Variants in UBOX5 observed in about 807,000 individuals in gnomAD.
UBOX5 encodes the protein RING finger protein 37.
Under a neutral mutation model 39.0 loss-of-function variants are expected in UBOX5, and 28 were observed. The observed-to-expected ratio is 0.72, with a 90% confidence interval of 0.53 to 0.98. UBOX5 has a LOEUF of 0.98. Ranked by LOEUF, UBOX5 falls within the 50% of genes least tolerant of loss-of-function variation. The pLI, the probability that UBOX5 is intolerant of heterozygous loss-of-function variation, is 0.00. For missense variants in UBOX5, 585 were observed against 674.4 expected, an observed-to-expected ratio of 0.87 and a Z score of 1.47; for synonymous variants, 283 against 275.5, an observed-to-expected ratio of 1.03 and a Z score of -0.27.
At chr20:3,133,069 A>C (rs1202677305) in intron 1 of UBOX5, among the ~76,000 whole-genome samples, 1 of 152,198 alleles carries the variant, frequency 6.6e-6, no homozygotes, top group Non-Finnish European at 1.5e-5. Flanking sequence ...GAAACGAATG[A>C]GTGTGTTGTC....
In UBOX5 at chr20:3,147,813, G is replaced by A. The variant is rs755941835; in HGVS notation, c.-42+11953C>T. ...TTACTTCGACAGTGTGCCACTCTAG[G>A]AGGCAAAGACGCAGCCACTGCATTC... On this transcript the variant is annotated intron_variant, in intron 1 of 4. Coordinates refer to ENST00000217173, the MANE Select transcript of UBOX5 (RefSeq NM_014948.4). 5.0e-6 allele frequency: 8 copies of A among 1,614,168 alleles called. No individual in the cohort carries two copies. Among genetic ancestry groups the A allele is most frequent in the East Asian group, 2.2e-5 (1 of 44,886 alleles).
In UBOX5 at chr20:3,149,488, T is replaced by TG. The variant is rs1268372669; in HGVS notation, c.-42+10277dup. Among the ~76,000 whole-genome samples the TG allele has an allele frequency of 6.6e-6, 1 of 152,164 alleles. No individual in the cohort carries two copies. The highest frequency in any genetic ancestry group is 1.5e-5 in the Non-Finnish European group (1 of 68,016). ...TACCCGTGGGCAGTTCCTGGACTGC[T>TG]GCTCACCAGACTTCCTTCACTGTAC... is the stretch of plus-strand genomic sequence containing the variant. On this transcript the variant is annotated intron_variant, in intron 1 of 4. Coordinates refer to ENST00000217173, the MANE Select transcript of UBOX5 (RefSeq NM_014948.4). The surrounding 1 kb of genome is among the most constrained non-coding windows in gnomAD (Gnocchi z 4.1).
At chr20:3,145,931 A>G (rs1050274316) in intron 1 of UBOX5, among the ~76,000 whole-genome samples, 3 of 151,994 alleles carry the variant, frequency 2.0e-5, no homozygotes, top group Non-Finnish European at 4.4e-5. Context: ...CTGTAACCCC[A>G]GCTACTCAGG....
chr20:3,113,651 A>G (rs1024367121), intron 4 of UBOX5, among the ~76,000 whole-genome samples: 1 of 152,108 alleles, frequency 6.6e-6, no homozygotes, highest in Admixed American at 6.6e-5. Context: ...GGGAGGATGG[A>G]CAGGACCTGA....
intron 1 of UBOX5, among the ~76,000 whole-genome samples, chr20:3,143,097 C>CTTTTTT (rs35450698): frequency 5.5e-5 from 4 of 72,474 alleles, no homozygotes; most frequent in Non-Finnish European, 9.9e-5. Context: ...AATCATCTGT[C>CTTTTTT]TTTTTTTTTT....
At chr20:3,126,855 G>A (rs563232098) in intron 1 of UBOX5, among the ~76,000 whole-genome samples, 73 of 151,936 alleles carry the variant, frequency 4.8e-4, no homozygotes, top group African/African-American at 1.7e-3. Context: ...GGCCAACATG[G>A]TGAAACTCCA....
At chr20:3,135,674 A>G (rs2066464658) in intron 1 of UBOX5, among the ~76,000 whole-genome samples, 1 of 152,214 alleles carries the variant, frequency 6.6e-6, no homozygotes, top group South Asian at 2.1e-4. Flanking sequence ...AAGGGTGAGC[A>G]CTGTTTTGTG....
chr20:3,147,271 T>C (rs1250981186), intron 1 of UBOX5: 1 of 1,614,258 alleles, frequency 6.2e-7, no homozygotes, highest in South Asian at 1.1e-5. Context: ...TAAATGGTAA[T>C]GGCTTCAGGT....
intron 1 of UBOX5, among the ~76,000 whole-genome samples, chr20:3,126,375 G>C (rs187880318): frequency 0.012 from 1,808 of 152,128 alleles, 16 homozygotes; most frequent in South Asian, 0.042. Flanking sequence ...CACTGCGGAA[G>C]GCCGCAGGGA....
At chr20:3,116,050 TG>T (rs1465358711) in intron 3 of UBOX5, among the ~76,000 whole-genome samples, 1 of 152,168 alleles carries the variant, frequency 6.6e-6, no homozygotes, top group Non-Finnish European at 1.5e-5. Context: ...CCACAGCGCC[TG>T]GCCTCCTTTC....
At chr20:3,141,581 G>A (rs900112116) in intron 1 of UBOX5, among the ~76,000 whole-genome samples, 20 of 152,158 alleles carry the variant, frequency 1.3e-4, no homozygotes, top group Non-Finnish European at 1.3e-4. Context: ...GGGAGGCGGA[G>A]GTTGTGGTTA....
intron 1 of UBOX5, among the ~76,000 whole-genome samples, chr20:3,138,955 G>C (rs940556642): frequency 2.0e-5 from 3 of 152,002 alleles, no homozygotes; most frequent in Non-Finnish European, 2.9e-5. Context: ...ATATTTTAAA[G>C]ACTAGACTCA....
At chr20:3,111,808 C>T (rs2066255953) in intron 4 of UBOX5, 1 of 152,270 alleles carries the variant, frequency 6.6e-6, no homozygotes, top group African/African-American at 2.4e-5. Flanking sequence ...AGGACTATGT[C>T]CATGTTTCTC....
At chr20:3,152,828 TCCAGGA>T (rs2066645348) in intron 1 of UBOX5, among the ~76,000 whole-genome samples, 2 of 148,668 alleles carry the variant, frequency 1.3e-5, no homozygotes, top group South Asian at 4.3e-4. Context: ...ATTGCTTGAA[TCCAGGA>T]GGCAGAGGTT....
intron 3 of UBOX5, among the ~76,000 whole-genome samples, chr20:3,119,601 C>A (rs185503776): frequency 6.6e-6 from 1 of 152,238 alleles, no homozygotes; most frequent in Non-Finnish European, 1.5e-5. Flanking sequence ...TACCTGTAAT[C>A]CTAGCACTCT....
chr20:3,157,553 T>G (rs1465010059), intron 1 of UBOX5, among the ~76,000 whole-genome samples: 1 of 152,218 alleles, frequency 6.6e-6, no homozygotes, highest in Non-Finnish European at 1.5e-5. Context: ...GTAGATATAG[T>G]ATGACTAAGC....
At chr20:3,146,923 T>C (rs536676891) in intron 1 of UBOX5, 2 of 1,614,132 alleles carry the variant, frequency 1.2e-6, no homozygotes, top group Non-Finnish European at 1.7e-6. Flanking sequence ...TATTGTGCAG[T>C]CCAAGGAGAT....
chr20:3,126,611 G>A (rs1036438336), intron 1 of UBOX5, among the ~76,000 whole-genome samples: 3 of 147,110 alleles, frequency 2.0e-5, no homozygotes, highest in Non-Finnish European at 4.5e-5. Flanking sequence ...CAGAGAAAGA[G>A]AGGGAGGGAG....
At chr20:3,129,302 A>G (rs1380125018) in intron 1 of UBOX5, among the ~76,000 whole-genome samples, 1 of 152,172 alleles carries the variant, frequency 6.6e-6, no homozygotes, top group Non-Finnish European at 1.5e-5. Flanking sequence ...GCTGCTGCAG[A>G]TCTTATCCCA....
Sources: gnomAD v4.1 joint callset for allele counts (sites outside exome capture counted in the v4.1 genomes callset) on GRCh38, gnomAD v4.1.1 for gene constraint, Gnocchi (gnomAD v3.1) non-coding constraint, MANE v1.5 for transcripts, NCBI Gene and HGNC (gene_info 2026-07-23, HGNC 2026-07-21) for gene names.